Variants in UNC13C observed in about 807,000 individuals in gnomAD.
UNC13C encodes protein unc-13 homolog C.
UNC13C carries 174 observed loss-of-function variants against 245.4 expected under a neutral mutation model. The observed-to-expected ratio is 0.71, with a 90% CI of 0.63 to 0.80. UNC13C has a LOEUF of 0.80. UNC13C is among the 30% of genes least tolerant of loss of function. UNC13C has a pLI of 0.00. For missense variants in UNC13C, 2,829 were observed against 2,602.9 expected (o/e 1.09, Z -1.89); for synonymous variants, 992 against 895.1 (o/e 1.11, Z -1.93).
At chr15:54,577,182 T>C (rs968237332) in intron 30 of UNC13C, among the ~76,000 whole-genome samples, 3 of 146,292 alleles carry the variant, frequency 2.1e-5, no homozygotes, top group African/African-American at 7.6e-5. Flanking sequence ...GCATATAAAA[T>C]TAGAAAGAGA....
At chr15:54,413,915 A>G (rs1430862882) in intron 18 of UNC13C, among the ~76,000 whole-genome samples, 1 of 152,192 alleles carries the variant, frequency 6.6e-6, no homozygotes, top group African/African-American at 2.4e-5. Flanking sequence ...ATATAGAGAG[A>G]AAATACTTCT....
chr15:53,924,163 C>T, the UNC13C span, among the ~76,000 whole-genome samples: 5 of 152,174 alleles, frequency 3.3e-5, no homozygotes, highest in African/African-American at 1.2e-4. Context: ...GCCGAGATCA[C>T]ACCATTGCAC....
At chr15:54,016,855 A>G (rs1895682561) in intron 2 of UNC13C, among the ~76,000 whole-genome samples, 1 of 152,156 alleles carries the variant, frequency 6.6e-6, no homozygotes, top group Non-Finnish European at 1.5e-5. Flanking sequence ...TGGGATTGTC[A>G]TCATTAATTA....
rs528996371 is a variant in UNC13C at position 54,110,162 on chromosome 15, C to T, written c.2984-32856C>T. 4.2e-4 allele frequency among the ~76,000 whole-genome samples: 64 copies of T among 152,004 alleles called. 1 individual carries two copies. In the Middle Eastern group the frequency reaches 0.01, roughly 24 times the overall value. On this transcript the variant is annotated intron_variant, in intron 2 of 32. Coordinates refer to ENST00000260323, the MANE Select transcript of UNC13C (RefSeq NM_001080534.3). ...AGGCCTGGTAGCACACACCTATAATCATAGCTACTCAGGAGGCTGAGGCAT... is the reference window on the plus strand; with the variant it reads ...AGGCCTGGTAGCACACACCTATAATTATAGCTACTCAGGAGGCTGAGGCAT...
At chr15:54,377,004 AGAG>A (rs2039621403) in intron 17 of UNC13C, among the ~76,000 whole-genome samples, 1 of 152,236 alleles carries the variant, frequency 6.6e-6, no homozygotes, top group African/African-American at 2.4e-5. Context: ...AGACACACAG[AGAG>A]GAGAAGCCCT....
chr15:54,173,411 G>A (rs753788052), intron 4 of UNC13C, among the ~76,000 whole-genome samples: 15 of 145,046 alleles, frequency 1.0e-4, no homozygotes, highest in African/African-American at 3.1e-4. Flanking sequence ...CTTTTTTTGC[G>A]TGATTTACAT....
intron 19 of UNC13C, among the ~76,000 whole-genome samples, chr15:54,430,663 T>C (rs140637291): frequency 3.6e-4 from 55 of 151,832 alleles, no homozygotes; most frequent in African/African-American, 1.2e-3. Context: ...TCTTAAGTCT[T>C]GTTTTATCTT....
the UNC13C span, among the ~76,000 whole-genome samples, chr15:53,878,129 T>C: frequency 6.6e-6 from 1 of 152,142 alleles, no homozygotes; most frequent in African/African-American, 2.4e-5. Context: ...TGTCTTCTGG[T>C]TGACACAATT....
At chr15:54,460,775 T>G (rs940323834) in intron 19 of UNC13C, among the ~76,000 whole-genome samples, 2 of 152,212 alleles carry the variant, frequency 1.3e-5, no homozygotes, top group Non-Finnish European at 2.9e-5. Flanking sequence ...CAGTGGTCCT[T>G]GAAGCAGAAG....
At chr15:54,138,753 A>G (rs1445931141) in intron 2 of UNC13C, among the ~76,000 whole-genome samples, 2 of 151,836 alleles carry the variant, frequency 1.3e-5, no homozygotes, top group African/African-American at 4.8e-5. Flanking sequence ...AGTGACTTAG[A>G]GTAGCCGAAA....
At chr15:54,305,552 G>A (rs1371686812) in intron 13 of UNC13C, among the ~76,000 whole-genome samples, 3 of 151,746 alleles carry the variant, frequency 2.0e-5, no homozygotes, top group Admixed American at 6.6e-5. Flanking sequence ...AATTTAAACC[G>A]GTTGACTAAT....
At chr15:53,859,782 G>A in the UNC13C span, among the ~76,000 whole-genome samples, 2 of 152,100 alleles carry the variant, frequency 1.3e-5, no homozygotes, top group Admixed American at 6.5e-5. Context: ...CAGATTCTTG[G>A]CTCCACGTCT....
the UNC13C span, among the ~76,000 whole-genome samples, chr15:53,935,568 T>C: frequency 6.6e-6 from 1 of 152,226 alleles, no homozygotes; most frequent in South Asian, 2.1e-4. Context: ...TCCATGGTTC[T>C]CATGGAGAAT....
intron 19 of UNC13C, among the ~76,000 whole-genome samples, chr15:54,463,281 G>GGGGGGGGGGGGGGGGGC: frequency 1.4e-5 from 1 of 69,020 alleles, no homozygotes; most frequent in Admixed American, 1.3e-4. Flanking sequence ...GGGGGGGGGG[G>GGGGGGGGGGGGGGGGGC]GCCGGTCAGG....
chr15:54,524,529 G>C (rs1895363330), intron 24 of UNC13C, among the ~76,000 whole-genome samples: 1 of 152,154 alleles, frequency 6.6e-6, no homozygotes, highest in South Asian at 2.1e-4. Flanking sequence ...ACAACTTAGA[G>C]CTACCCAGCT....
intron 4 of UNC13C, among the ~76,000 whole-genome samples, chr15:54,154,647 A>G (rs1430333788): frequency 6.6e-6 from 1 of 152,180 alleles, no homozygotes; most frequent in Non-Finnish European, 1.5e-5. Flanking sequence ...CATGCAACAT[A>G]TAGATATGAG....
chr15:54,090,686 C>A (rs1036125855), intron 2 of UNC13C, among the ~76,000 whole-genome samples: 1 of 152,154 alleles, frequency 6.6e-6, no homozygotes, highest in East Asian at 1.9e-4. Context: ...GGTTACTCAT[C>A]CCTTTTTCCA....
intron 19 of UNC13C, among the ~76,000 whole-genome samples, chr15:54,417,709 A>G (rs938059253): frequency 6.6e-6 from 1 of 152,122 alleles, no homozygotes; most frequent in African/African-American, 2.4e-5. Context: ...TTTTTGAAAA[A>G]AAGAACTATG....
intron 2 of UNC13C, among the ~76,000 whole-genome samples, chr15:54,035,019 C>T (rs1896515818): frequency 6.6e-6 from 1 of 152,146 alleles, no homozygotes; most frequent in Admixed American, 6.5e-5. Context: ...CATCCACTTC[C>T]AAGGATGATT....
Sources: allele counts gnomAD v4.1 joint callset (sites outside exome capture counted in the v4.1 genomes callset), GRCh38; gene constraint gnomAD v4.1.1; transcripts MANE v1.5; gene names NCBI Gene and HGNC (gene_info 2026-07-23, HGNC 2026-07-21).